Variants in SMYD3 observed in about 807,000 individuals in gnomAD.
The protein encoded by SMYD3 is histone-lysine N-methyltransferase SMYD3.
Under a neutral mutation model 57.7 loss-of-function variants are expected in SMYD3, and 36 were observed. The observed-to-expected ratio is 0.62, with a 90% CI of 0.48 to 0.82. SMYD3 has a LOEUF of 0.82. Among genes scored for constraint, SMYD3 ranks in the 40% least tolerant of loss-of-function variants. The probability of loss-of-function intolerance (pLI) is 0.00; values close to 1 mark genes in which losing one functional copy is unlikely to be tolerated. For missense variants in SMYD3, 515 were observed against 538.8 expected, an observed-to-expected ratio of 0.96 and a Z score of 0.44; for synonymous variants, 211 against 195.0, an observed-to-expected ratio of 1.08 and a Z score of -0.68.
At chr1:245,941,755 T>A (rs890309716) in intron 5 of SMYD3, among the ~76,000 whole-genome samples, 12 of 151,972 alleles carry the variant, frequency 7.9e-5, no homozygotes, top group Admixed American at 2.6e-4. Flanking sequence ...ACTCCTGACC[T>A]CAAGTGATCT....
intron 5 of SMYD3, among the ~76,000 whole-genome samples, chr1:245,985,184 G>A (rs929454275): frequency 6.6e-6 from 1 of 151,964 alleles, no homozygotes; most frequent in African/African-American, 2.4e-5. Flanking sequence ...CCCTATAAGT[G>A]CTGGGGATCC....
At chr1:245,852,748 GAATTA>G (rs2051041090) in intron 10 of SMYD3, among the ~76,000 whole-genome samples, 1 of 151,906 alleles carries the variant, frequency 6.6e-6, no homozygotes. Context: ...AAGTCTTTCA[GAATTA>G]AATTAAAAGG....
chr1:246,497,961 C>T (rs1292878104), intron 1 of SMYD3, among the ~76,000 whole-genome samples: 2 of 151,612 alleles, frequency 1.3e-5, no homozygotes, highest in Non-Finnish European at 2.9e-5. Flanking sequence ...GGCCTTTAAA[C>T]ACATGAAAAG....
intron 10 of SMYD3, among the ~76,000 whole-genome samples, chr1:245,781,839 T>A (rs914352206): frequency 6.6e-6 from 1 of 152,078 alleles, no homozygotes; most frequent in Admixed American, 6.6e-5. Context: ...CGTGGTGGCA[T>A]GCATCTGTAA....
At chr1:246,044,147 C>T (rs1021005100) in intron 5 of SMYD3, among the ~76,000 whole-genome samples, 2 of 151,986 alleles carry the variant, frequency 1.3e-5, no homozygotes, top group African/African-American at 4.8e-5. Flanking sequence ...AACAGTTCTA[C>T]GAATAAAGAC....
chr1:246,133,459 A>G (rs2061617947), intron 5 of SMYD3, among the ~76,000 whole-genome samples: 1 of 152,126 alleles, frequency 6.6e-6, no homozygotes. Context: ...TAAAGACCTG[A>G]GTGTTGTTAA....
chr1:246,254,425 T>C (rs1558352573), intron 5 of SMYD3, among the ~76,000 whole-genome samples: 1 of 152,242 alleles, frequency 6.6e-6, no homozygotes, highest in Non-Finnish European at 1.5e-5. Context: ...TTGTCTACTT[T>C]ATCAAAGATC....
At chr1:245,812,409 G>A (rs2048523921) in intron 10 of SMYD3, among the ~76,000 whole-genome samples, 1 of 152,150 alleles carries the variant, frequency 6.6e-6, no homozygotes, top group Non-Finnish European at 1.5e-5. Flanking sequence ...CACCACCACT[G>A]CTATCTGATG....
intron 5 of SMYD3, among the ~76,000 whole-genome samples, chr1:246,102,156 G>A (rs895083727): frequency 8.5e-5 from 13 of 152,136 alleles, no homozygotes; most frequent in African/African-American, 3.1e-4. Context: ...CTTCCACTAT[G>A]TACGTAGCTC....
At chr1:246,305,459 T>G (rs2064964096) in intron 5 of SMYD3, among the ~76,000 whole-genome samples, 1 of 152,170 alleles carries the variant, frequency 6.6e-6, no homozygotes. Flanking sequence ...AAAAAAAAGT[T>G]AATGGTCAAT....
chr1:246,232,862 C>T, intron 5 of SMYD3, among the ~76,000 whole-genome samples: 1 of 133,972 alleles, frequency 7.5e-6, no homozygotes, highest in African/African-American at 2.7e-5. Flanking sequence ...AAGCGCTCCT[C>T]AATTCACACT....
At chr1:246,217,666 G>A (rs2063186060) in intron 5 of SMYD3, among the ~76,000 whole-genome samples, 1 of 151,950 alleles carries the variant, frequency 6.6e-6, no homozygotes, top group Non-Finnish European at 1.5e-5. Flanking sequence ...GATGTTTAAA[G>A]GAATAAGAGA....
chr1:245,923,150 T>C (rs1431097048), intron 7 of SMYD3, among the ~76,000 whole-genome samples: 1 of 152,216 alleles, frequency 6.6e-6, no homozygotes, highest in East Asian at 1.9e-4. Flanking sequence ...TAAAATTGAA[T>C]GTACACTGAG....
At chr1:246,301,547 G>A (rs2064891633) in intron 5 of SMYD3, among the ~76,000 whole-genome samples, 1 of 152,142 alleles carries the variant, frequency 6.6e-6, no homozygotes, top group Non-Finnish European at 1.5e-5. Flanking sequence ...ATGAGAATAT[G>A]TTTTAATAAA....
At chr1:245,983,520 CT>C (rs1364530460) in intron 5 of SMYD3, among the ~76,000 whole-genome samples, 1 of 152,190 alleles carries the variant, frequency 6.6e-6, no homozygotes, top group Non-Finnish European at 1.5e-5. Flanking sequence ...AATTGTTTGA[CT>C]TTTCTTCTTA....
chr1:246,284,972 T>TA (rs1401043969), intron 5 of SMYD3, among the ~76,000 whole-genome samples: 2 of 151,930 alleles, frequency 1.3e-5, no homozygotes, highest in Non-Finnish European at 2.9e-5. Flanking sequence ...CCTTTTTTTT[T>TA]TTTATTTCCA....
chr1:245,950,566 C>T (rs1025459525), intron 5 of SMYD3, among the ~76,000 whole-genome samples: 4 of 152,192 alleles, frequency 2.6e-5, no homozygotes, highest in African/African-American at 9.7e-5. Context: ...CTTAACATTG[C>T]CCAGAAGGAT....
intron 5 of SMYD3, among the ~76,000 whole-genome samples, chr1:246,317,501 G>A (rs1195633156): frequency 1.3e-5 from 2 of 152,338 alleles, no homozygotes; most frequent in Admixed American, 6.5e-5. Flanking sequence ...GGGAGAAATA[G>A]AAAGAGTATT....
intron 8 of SMYD3, among the ~76,000 whole-genome samples, chr1:245,880,290 G>A (rs955546428): frequency 7.2e-5 from 11 of 152,194 alleles, no homozygotes; most frequent in South Asian, 2.1e-4. Flanking sequence ...TTTCAACCAG[G>A]ATTTGTTAAT....
Sources: allele counts gnomAD v4.1 joint callset (sites outside exome capture counted in the v4.1 genomes callset), GRCh38; gene constraint gnomAD v4.1.1; transcripts MANE v1.5; gene names NCBI Gene and HGNC (gene_info 2026-07-23, HGNC 2026-07-21).